Variants in PTPRM observed in about 807,000 individuals in gnomAD.
The protein encoded by PTPRM is receptor-type tyrosine-protein phosphatase mu.
Under a neutral mutation model 186.7 loss-of-function variants are expected in PTPRM, and 47 were observed. The observed-to-expected ratio is 0.25, with a 90% CI of 0.20 to 0.32. PTPRM has a LOEUF of 0.32. PTPRM is among the 10% of genes least tolerant of loss of function. PTPRM has a pLI of 1.00. For missense variants in PTPRM, 1,494 were observed against 1,865.0 expected (o/e 0.80, Z 3.66); for synonymous variants, 668 against 674.9 (o/e 0.99, Z 0.16).
intron 14 of PTPRM, among the ~76,000 whole-genome samples, chr18:8,238,336 T>C (rs2094370680): frequency 6.6e-6 from 1 of 152,156 alleles, no homozygotes; most frequent in Non-Finnish European, 1.5e-5. Context: ...TGGAGGTTTT[T>C]ACTGAGATAA....
intron 1 of PTPRM, among the ~76,000 whole-genome samples, chr18:7,724,938 T>C (rs538416646): frequency 6.6e-6 from 1 of 152,236 alleles, no homozygotes; most frequent in South Asian, 2.1e-4. Context: ...CATAAACGGG[T>C]AGTATTTTCT....
chr18:8,006,793 C>T (rs1265774389), intron 7 of PTPRM, among the ~76,000 whole-genome samples: 1 of 152,174 alleles, frequency 6.6e-6, no homozygotes, highest in African/African-American at 2.4e-5. Flanking sequence ...GCAAAAGATG[C>T]ACAGGCAAAG....
rs546853412 is a variant in PTPRM, at chr18:7,842,883, G to A, written c.197-45223G>A. On this transcript the variant is annotated intron_variant, in intron 2 of 32. Coordinates refer to ENST00000580170, the MANE Select transcript of PTPRM (RefSeq NM_001105244.2). The stretch of plus-strand genomic sequence containing the variant: ...AAACATATATATATATATGTTTCTC[G>A]TGTGTATATATATATATGTTTCTCA... 1.4e-3 allele frequency among the ~76,000 whole-genome samples: 99 copies of A among 71,688 alleles called. No homozygotes were observed. The South Asian group carries it at 0.028, about 20-fold the overall frequency. 47.0% of individuals were successfully genotyped at this position (71,688 alleles called of 152,430 possible). A position where few individuals can be genotyped will look rare whatever the true frequency, so the allele number is the denominator to read the frequency against.
chr18:7,983,265 A>G (rs1282120174), intron 7 of PTPRM, among the ~76,000 whole-genome samples: 1 of 151,972 alleles, frequency 6.6e-6, no homozygotes, highest in Non-Finnish European at 1.5e-5. Flanking sequence ...TGAACTGTGC[A>G]TGCGAGGGAT....
chr18:8,263,189 A>G (rs1193949074), intron 19 of PTPRM, among the ~76,000 whole-genome samples: 1 of 152,006 alleles, frequency 6.6e-6, no homozygotes, highest in Non-Finnish European at 1.5e-5. Flanking sequence ...GTTCACTGCA[A>G]CCTCCATCTG....
intron 4 of PTPRM, among the ~76,000 whole-genome samples, chr18:7,921,146 A>G (rs1193370692): frequency 6.6e-6 from 1 of 151,942 alleles, no homozygotes; most frequent in African/African-American, 2.4e-5. Context: ...ATGTTTTGGA[A>G]AGTTTTCTGT....
Position 8,244,192 on chromosome 18 carries a change from A to G in PTPRM, c.2435A>G (p.His812Arg), listed in dbSNP as rs1328068146. The change falls in exon 15 of 33, where the codon CAC (histidine) becomes CGC (arginine). Residue 812 changes from histidine to arginine, a missense_variant. By Grantham distance (29) the His-to-Arg change is conservative. Coordinates refer to ENST00000580170, the MANE Select transcript of PTPRM (RefSeq NM_001105244.2). ...GAGGCTTTCTCATTCATGGACACGC[A>G]CAATCTGAATGGGAGATGTAAGTGC... ...CDEAFSFMDT[H>R]NLNGRSVSSP... is the part of the protein sequence containing the mutation. The G allele has an allele frequency of 6.3e-7, 1 of 1,576,344 alleles. No homozygotes were observed. The highest frequency in any genetic ancestry group is 8.6e-7 in the Non-Finnish European group (1 of 1,166,768).
At chr18:7,921,942 A>G (rs1027084833) in intron 4 of PTPRM, among the ~76,000 whole-genome samples, 1 of 152,108 alleles carries the variant, frequency 6.6e-6, no homozygotes, top group South Asian at 2.1e-4. Flanking sequence ...TTGTGGATGT[A>G]TGTCTATGTC....
intron 7 of PTPRM, among the ~76,000 whole-genome samples, chr18:8,044,553 T>G (rs1474207874): frequency 6.6e-6 from 1 of 151,916 alleles, no homozygotes; most frequent in Non-Finnish European, 1.5e-5. Context: ...GGTCAGGAGT[T>G]CCACACCAAC....
chr18:7,973,793 T>G (rs1054478270), intron 7 of PTPRM, among the ~76,000 whole-genome samples: 8 of 152,198 alleles, frequency 5.3e-5, no homozygotes, highest in African/African-American at 1.7e-4. Flanking sequence ...TATATATTAA[T>G]TTATCTTGGT....
intron 1 of PTPRM, among the ~76,000 whole-genome samples, chr18:7,753,032 G>GA (rs1219758914): frequency 6.6e-6 from 1 of 152,152 alleles, no homozygotes; most frequent in Non-Finnish European, 1.5e-5. Flanking sequence ...ACGAGATGGG[G>GA]AGGAGCAGTC....
At chr18:7,783,774 ATG>A (rs1229244931) in intron 2 of PTPRM, among the ~76,000 whole-genome samples, 1 of 79,636 alleles carries the variant, frequency 1.3e-5, no homozygotes, top group Admixed American at 1.2e-4. Context: ...GTGTGTGTGT[ATG>A]TGTGTGTGTG....
At chr18:7,815,151 C>T (rs2044742491) in intron 2 of PTPRM, 1 of 152,306 alleles carries the variant, frequency 6.6e-6, no homozygotes, top group African/African-American at 2.4e-5. Context: ...GCCTAGCCCA[C>T]CACCTACTGC....
chr18:8,173,700 G>A (rs79932865), intron 14 of PTPRM, among the ~76,000 whole-genome samples: 3,080 of 152,300 alleles, frequency 0.02, 111 homozygotes, highest in African/African-American at 0.07. Context: ...TCTGGGTAGG[G>A]CCACAGGATC....
chr18:8,380,906 G>T (rs972957904), intron 29 of PTPRM, among the ~76,000 whole-genome samples: 3 of 152,182 alleles, frequency 2.0e-5, no homozygotes, highest in Non-Finnish European at 4.4e-5. Flanking sequence ...AGATCGTCAT[G>T]CAGGGCAGGT....
At chr18:8,352,723 G>A (rs1329659754) in intron 23 of PTPRM, among the ~76,000 whole-genome samples, 3 of 150,462 alleles carry the variant, frequency 2.0e-5, no homozygotes, top group Non-Finnish European at 4.4e-5. Context: ...CCAGGCTGGA[G>A]TGCAGTGGCA....
intron 8 of PTPRM, among the ~76,000 whole-genome samples, chr18:8,071,289 T>C (rs1364863731): frequency 6.6e-6 from 1 of 152,258 alleles, no homozygotes; most frequent in Non-Finnish European, 1.5e-5. Context: ...CATTTCTCTA[T>C]TGACTCTGGT....
At position 7,567,993 on chromosome 18, in the gene PTPRM, G is replaced by C. The variant is rs1157007279; in HGVS notation, c.73+102G>C. ...TGGTAGAGCCCTAAGGCTGGCGTCG[G>C]GGCCGGGCGGGGGGCGCGGCGGGCC... is the stretch of plus-strand genomic sequence containing the variant. On this transcript the variant is annotated intron_variant, in intron 1 of 32. Coordinates refer to ENST00000580170, the MANE Select transcript of PTPRM (RefSeq NM_001105244.2). The surrounding 1 kb of genome is among the most constrained non-coding windows in gnomAD (Gnocchi z 4.3). 8.8e-7 allele frequency: 1 copy of C among 1,136,518 alleles called. No individual in the cohort carries two copies. The highest frequency in any genetic ancestry group is 1.1e-6 in the Non-Finnish European group (1 of 875,354). The allele number at this position is 1,136,518 out of a possible 1,614,324, so 70.4% of individuals were successfully genotyped here. A position where few individuals can be genotyped will look rare whatever the true frequency, so the allele number is the denominator to read the frequency against.
Position 7,693,691 on chromosome 18 carries a change from C to A in PTPRM, c.74-80458C>A, listed in dbSNP as rs575827904. ...TCTGTAATATCAATGAAGAACTCTC[C>A]TACAAAGTGGGAGATTGCTGCTATT... On this transcript the variant is annotated intron_variant, in intron 1 of 32. Coordinates refer to ENST00000580170, the MANE Select transcript of PTPRM (RefSeq NM_001105244.2). Among the ~76,000 whole-genome samples the A allele has an allele frequency of 6.6e-5, 10 of 152,214 alleles. No individual in the cohort carries two copies. The South Asian group carries it at 2.1e-3, about 32-fold the overall frequency.
Sources: allele counts gnomAD v4.1 joint callset (sites outside exome capture counted in the v4.1 genomes callset), GRCh38; gene constraint gnomAD v4.1.1; non-coding constraint Gnocchi (gnomAD v3.1); transcripts MANE v1.5; gene names NCBI Gene and HGNC (gene_info 2026-07-23, HGNC 2026-07-21).